Variants in DRC7 observed in about 807,000 individuals in gnomAD.
The protein encoded by DRC7 is coiled-coil domain containing 135.
A neutral mutation model predicts 104.4 loss-of-function variants in DRC7; 80 were observed. The ratio of observed to expected loss-of-function variants is 0.77; its 90% CI spans 0.64 to 0.92. The LOEUF is 0.92. Ranked by LOEUF, DRC7 falls within the 40% of genes least tolerant of loss-of-function variation. The probability of loss-of-function intolerance (pLI) is 0.00; values close to 1 mark genes in which losing one functional copy is unlikely to be tolerated. For synonymous variants in DRC7, 405 were observed against 447.3 expected (o/e 0.91, Z 1.19); for missense variants, 1,034 against 1,141.1 (o/e 0.91, Z 1.35).
chr16:57,699,160 G>A, intron 4 of DRC7, 136 bp downstream of exon 4: 1 of 1,055,672 alleles, frequency 9.5e-7, no homozygotes, highest in Non-Finnish European at 1.4e-6. Context: ...TTCTAGTCTG[G>A]GGGCAACATA....
Position 57,707,321 on chromosome 16 carries a change from C to T in DRC7, c.859-139C>T, listed in dbSNP as rs1597798760. 4.8e-5 allele frequency: 33 copies of T among 692,700 alleles called. No homozygotes were observed. The East Asian group carries it at 9.0e-4, about 19-fold the overall frequency. The allele number at this position is 692,700 out of a possible 1,614,324, so 42.9% of individuals were successfully genotyped here. On this transcript the variant is annotated intron_variant, in intron 7 of 18. Coordinates refer to ENST00000360716, the MANE Select transcript of DRC7 (RefSeq NM_001289162.2). ...GTTGGGTGATGGGAGGGGAGATGGG[C>T]CGTCACACTCCGGTTGATGGTGCAG...
chr16:57,707,136 C>T (rs1026947088), intron 7 of DRC7, among the ~76,000 whole-genome samples: 2 of 152,192 alleles, frequency 1.3e-5, no homozygotes, highest in African/African-American at 4.8e-5. Context: ...AAGAAAGGTA[C>T]TTGGTCTCCC....
intron 12 of DRC7, among the ~76,000 whole-genome samples, 198 bp downstream of exon 12, chr16:57,723,328 G>C (rs2048926427): frequency 6.6e-6 from 1 of 152,276 alleles, no homozygotes; most frequent in South Asian, 2.1e-4. Flanking sequence ...AAATTCTAAG[G>C]AAATATAACA....
At position 57,698,910 on chromosome 16, in the gene DRC7, A is replaced by T. The variant is rs2048626660; in HGVS notation, c.264A>T (p.Thr88=). The T allele has an allele frequency of 6.2e-7, 1 of 1,613,402 alleles. No individual in the cohort carries two copies. The highest frequency in any genetic ancestry group is 1.3e-5 in the African/African-American group (1 of 74,786). The change falls in exon 4 of 19, where the codon ACA becomes ACT. Residue 88 remains threonine, a synonymous_variant. Coordinates refer to ENST00000360716, the MANE Select transcript of DRC7 (RefSeq NM_001289162.2). ...TGCCCATTTCCTACAAAACCAACAC[A>T]CCCAAGGAGGAACACCTGCTGCAGG... ...SKLPISYKTN[T]PKEEHLLQVA...
At chr16:57,704,376 TACACACACACACACAC>T (rs55873452) in intron 6 of DRC7, among the ~76,000 whole-genome samples, 4 of 148,962 alleles carry the variant, frequency 2.7e-5, no homozygotes, top group Admixed American at 6.7e-5. Context: ...CACGCAAGCG[TACACACACACACACAC>T]ACACACACAC....
intron 9 of DRC7, among the ~76,000 whole-genome samples, chr16:57,720,222 G>A (rs562840900): frequency 4.6e-5 from 7 of 152,334 alleles, no homozygotes; most frequent in South Asian, 4.1e-4. Flanking sequence ...TACCCAAAGC[G>A]ATACAGCTGG....
intron 2 of DRC7, among the ~76,000 whole-genome samples, chr16:57,697,383 A>G (rs1473169635): frequency 1.3e-5 from 2 of 151,818 alleles, no homozygotes; most frequent in Admixed American, 6.6e-5. Flanking sequence ...GAGCCTGGGC[A>G]ACATAGCCAG....
chr16:57,719,544 CT>C (rs1401124800), intron 9 of DRC7, among the ~76,000 whole-genome samples: 1 of 152,156 alleles, frequency 6.6e-6, no homozygotes, highest in Non-Finnish European at 1.5e-5. Flanking sequence ...AGGGTCTCCT[CT>C]GTTGCCCAGG....
chr16:57,722,223 G>A (rs1191789376), intron 10 of DRC7, among the ~76,000 whole-genome samples: 1 of 152,178 alleles, frequency 6.6e-6, no homozygotes, highest in African/African-American at 2.4e-5. Context: ...CTTCAACAGG[G>A]TGGGAAGTGC....
Position 57,726,208 on chromosome 16 carries a change from G to A in DRC7, c.1899G>A (p.Glu633=). 6.2e-7 allele frequency: 1 copy of A among 1,613,168 alleles called. No homozygotes were observed. The highest frequency in any genetic ancestry group is 8.5e-7 in the Non-Finnish European group (1 of 1,179,980). ...REDHITASKR[E]FLRRTEVDSK... ...ACCACATCACGGCCTCCAAGCGCGA[G>A]TTCCTGCGGCGCACCGAGGTGGACA... Residue 633 remains glutamate (E), a synonymous_variant, in exon 14 of 19, where the codon GAG becomes GAA. Transcript: ENST00000360716.
chr16:57,722,197 G>A (rs1216341901), intron 10 of DRC7, among the ~76,000 whole-genome samples: 1 of 152,172 alleles, frequency 6.6e-6, no homozygotes, highest in East Asian at 1.9e-4. Flanking sequence ...CAGACCTATG[G>A]GGAGGGCATG....
At chr16:57,695,005 G>A (rs1433942252) in intron 1 of DRC7, among the ~76,000 whole-genome samples, 153 bp downstream of exon 1, 2 of 152,074 alleles carry the variant, frequency 1.3e-5, no homozygotes, top group Admixed American at 1.3e-4. Flanking sequence ...TGTGTTGGGA[G>A]GAGGAAGTTG....
At chr16:57,701,686 CAGA>C (rs1481868061) in intron 5 of DRC7, 6 of 497,642 alleles carry the variant, frequency 1.2e-5, no homozygotes, top group Non-Finnish European at 2.2e-5. Context: ...TCCTACAGTC[CAGA>C]AGGTTTCCCC....
intron 8 of DRC7, among the ~76,000 whole-genome samples, chr16:57,710,328 A>G (rs1263119265): frequency 6.6e-6 from 1 of 152,208 alleles, no homozygotes; most frequent in Non-Finnish European, 1.5e-5. Context: ...TTGTTAGTGA[A>G]TAGAAATGCA....
chr16:57,702,422 G>A (rs1033057872), intron 6 of DRC7, among the ~76,000 whole-genome samples: 2 of 152,096 alleles, frequency 1.3e-5, no homozygotes, highest in Admixed American at 1.3e-4. Flanking sequence ...TAAATTTTAT[G>A]AATGCCACAT....
At chr16:57,711,610 A>G (rs1261768254) in intron 8 of DRC7, among the ~76,000 whole-genome samples, 3 of 152,256 alleles carry the variant, frequency 2.0e-5, no homozygotes, top group Non-Finnish European at 2.9e-5. Flanking sequence ...AGCTGCCTAG[A>G]CAGAGCTGAT....
At chr16:57,706,177 C>G (rs1268811678) in intron 7 of DRC7, among the ~76,000 whole-genome samples, 26 of 147,384 alleles carry the variant, frequency 1.8e-4, no homozygotes, top group African/African-American at 6.3e-4. Context: ...CCCATCCTCC[C>G]ATCCTCTCAT....
At position 57,728,413 on chromosome 16, in the gene DRC7, C is replaced by T; in HGVS notation, c.2220C>T (p.His740=). ...EAMERMMHEE[H]LRQVETQLDY... is the part of the protein sequence containing the mutation. ...AGGAGCGCATGATGCACGAAGAGCA[C>T]CTGCGGCAGGTGGAGACCCAGCTGG... Residue 740 remains histidine, a synonymous_variant, in exon 17 of 19, where the codon CAC becomes CAT. Transcript: ENST00000360716. The T allele has an allele frequency of 6.2e-7, 1 of 1,604,860 alleles. No homozygotes were observed. Among genetic ancestry groups the T allele is most frequent in the Non-Finnish European group, 8.5e-7 (1 of 1,175,406 alleles).
intron 9 of DRC7, among the ~76,000 whole-genome samples, chr16:57,721,055 A>G (rs913741506): frequency 5.9e-5 from 9 of 152,052 alleles, no homozygotes; most frequent in African/African-American, 2.2e-4. Context: ...TCTCTACTAA[A>G]AATACAAAAA....
Sources: gnomAD v4.1 joint callset for allele counts (sites outside exome capture counted in the v4.1 genomes callset) on GRCh38, gnomAD v4.1.1 for gene constraint, MANE v1.5 for transcripts, NCBI Gene and HGNC (gene_info 2026-07-23, HGNC 2026-07-21) for gene names.